Variants in UVRAG observed in about 807,000 individuals in gnomAD.
The protein encoded by UVRAG is UV radiation resistance-associated gene protein.
Under a neutral mutation model 78.0 loss-of-function variants are expected in UVRAG, and 19 were observed. That is an observed-to-expected ratio of 0.24 (90% CI 0.17 to 0.36). The LOEUF (loss-of-function observed/expected upper bound fraction) is 0.36, where lower values mean the gene tolerates loss of function less well. Ranked by LOEUF, UVRAG falls within the 10% of genes least tolerant of loss-of-function variation. UVRAG has a pLI of 1.00. For missense variants in UVRAG, 740 were observed against 853.8 expected (o/e 0.87, Z 1.66); for synonymous variants, 323 against 324.6 (o/e 1.00, Z 0.05).
chr11:76,116,028 A>G lies in UVRAG; in HGVS notation c.1397+13A>G. 2.5e-6 allele frequency: 4 copies of G among 1,610,232 alleles called. No homozygotes were observed. Among genetic ancestry groups the G allele is most frequent in the Non-Finnish European group, 2.5e-6 (3 of 1,176,694 alleles). ...TAATGGTCAGGTGGTGAGTACCTTT[A>G]TCTCTGATAACCAGAAACTGTAATG... is the stretch of plus-strand genomic sequence containing the variant. On this transcript the variant is annotated intron_variant, in intron 14 of 14. Transcript: ENST00000356136.
chr11:76,001,872 T>C (rs1440584355), intron 8 of UVRAG, among the ~76,000 whole-genome samples: 3 of 152,180 alleles, frequency 2.0e-5, no homozygotes, highest in Non-Finnish European at 4.4e-5. Context: ...GAATGCTGAG[T>C]GCTGACTGAT....
At chr11:76,049,187 A>G (rs1056250134) in intron 12 of UVRAG, among the ~76,000 whole-genome samples, 1 of 152,180 alleles carries the variant, frequency 6.6e-6, no homozygotes, top group Non-Finnish European at 1.5e-5. Flanking sequence ...CCTGCCCCAC[A>G]TCCACCCACT....
intron 6 of UVRAG, among the ~76,000 whole-genome samples, chr11:75,934,185 A>G (rs1489893219): frequency 1.3e-5 from 2 of 152,236 alleles, no homozygotes; most frequent in Non-Finnish European, 2.9e-5. Context: ...CCTGTCATCT[A>G]TAACAACATG....
At chr11:76,078,788 G>T (rs577193478) in intron 13 of UVRAG, among the ~76,000 whole-genome samples, 1 of 150,484 alleles carries the variant, frequency 6.6e-6, no homozygotes, top group Non-Finnish European at 1.5e-5. Flanking sequence ...AATTAGCTGG[G>T]TGTGGTGGCG....
chr11:75,906,344 T>G (rs778382427), intron 5 of UVRAG, among the ~76,000 whole-genome samples: 18 of 151,944 alleles, frequency 1.2e-4, no homozygotes, highest in South Asian at 2.1e-4. Flanking sequence ...TAGTGGGTTT[T>G]TTTGTTTGTT....
At chr11:75,822,094 G>A (rs766564735) in intron 1 of UVRAG, among the ~76,000 whole-genome samples, 3 of 151,846 alleles carry the variant, frequency 2.0e-5, no homozygotes, top group Non-Finnish European at 2.9e-5. Context: ...ACAGGCACCC[G>A]CCACCATGCC....
intron 5 of UVRAG, among the ~76,000 whole-genome samples, chr11:75,894,673 G>T (rs1489839901): frequency 6.6e-6 from 1 of 151,590 alleles, no homozygotes; most frequent in South Asian, 2.1e-4. Flanking sequence ...CAAAGTGTGG[G>T]GATTACAGGC....
At chr11:75,830,032 G>T (rs1249029998) in intron 1 of UVRAG, among the ~76,000 whole-genome samples, 3 of 151,780 alleles carry the variant, frequency 2.0e-5, no homozygotes, top group Non-Finnish European at 4.4e-5. Context: ...TAGAGATGGG[G>T]TTTTGACATG....
chr11:75,933,672 G>A (rs765334593), intron 6 of UVRAG, among the ~76,000 whole-genome samples: 37 of 152,146 alleles, frequency 2.4e-4, no homozygotes, highest in Admixed American at 2.0e-3. Flanking sequence ...CTAATAATCC[G>A]ATTTAAAAAG....
At chr11:76,036,402 T>G (rs779567076) in intron 12 of UVRAG, among the ~76,000 whole-genome samples, 9 of 151,222 alleles carry the variant, frequency 6.0e-5, no homozygotes, top group Non-Finnish European at 1.2e-4. Flanking sequence ...ATAGAAAGAT[T>G]AACCAAGTGT....
At chr11:75,852,578 A>G (rs1946179048) in intron 2 of UVRAG, among the ~76,000 whole-genome samples, 1 of 152,130 alleles carries the variant, frequency 6.6e-6, no homozygotes, top group South Asian at 2.1e-4. Flanking sequence ...CTTAGGTGGG[A>G]TGGTGTAAGA....
chr11:76,008,846 C>A lies in UVRAG; in HGVS notation c.1039C>A (p.Pro347Thr). The A allele has an allele frequency of 6.7e-7, 1 of 1,490,246 alleles. No homozygotes were observed. The highest frequency in any genetic ancestry group is 9.1e-7 in the Non-Finnish European group (1 of 1,104,718). 92.3% of individuals were successfully genotyped at this position (1,490,246 alleles called of 1,614,324 possible). The change falls in exon 11 of 15, where the codon CCT becomes ACT. Residue 347 changes from proline to threonine, a missense_variant. Physicochemically the swap from Pro to Thr is conservative, Grantham distance 38. Coordinates refer to ENST00000356136, the MANE Select transcript of UVRAG (RefSeq NM_003369.4). ...KDYFVCGVKL[P>T]NSEDFQAKDD... ...TTACTTTGTATGCGGTGTCAAGTTG[C>A]CTAATTCTGAGGACTTCCAAGGTAT...
chr11:75,957,515 T>G (rs1400042074), intron 6 of UVRAG, among the ~76,000 whole-genome samples: 2 of 152,140 alleles, frequency 1.3e-5, no homozygotes, highest in Non-Finnish European at 2.9e-5. Flanking sequence ...GGTTTGTCCC[T>G]TCTAGATTCT....
intron 14 of UVRAG, among the ~76,000 whole-genome samples, chr11:76,128,149 G>A (rs1952447323): frequency 6.6e-6 from 1 of 152,176 alleles, no homozygotes; most frequent in East Asian, 1.9e-4. Context: ...TAGGAACCAG[G>A]CCTCACAGCA....
At chr11:75,842,566 C>T (rs751938680) in intron 1 of UVRAG, among the ~76,000 whole-genome samples, 3 of 151,898 alleles carry the variant, frequency 2.0e-5, no homozygotes, top group Non-Finnish European at 2.9e-5. Context: ...CTCAGCCTCC[C>T]GAGTACTTGG....
intron 14 of UVRAG, chr11:76,137,221 A>T (rs113244428): frequency 2.5e-5 from 10 of 400,834 alleles, no homozygotes; most frequent in African/African-American, 1.9e-4. Context: ...AACACAGCAA[A>T]CTAAGAAAGG....
At chr11:75,935,122 A>C (rs1045321495) in intron 6 of UVRAG, 2 of 152,130 alleles carry the variant, frequency 1.3e-5, no homozygotes, top group Non-Finnish European at 2.9e-5. Context: ...GTGATCATCA[A>C]CCTTTACAAA....
chr11:76,136,297 G>C (rs1365631768), intron 14 of UVRAG, among the ~76,000 whole-genome samples: 2 of 151,878 alleles, frequency 1.3e-5, no homozygotes, highest in Non-Finnish European at 2.9e-5. Context: ...TTTTATACGA[G>C]ATGCTCACAG....
chr11:75,995,453 T>G (rs1949688003), intron 8 of UVRAG, among the ~76,000 whole-genome samples: 1 of 151,542 alleles, frequency 6.6e-6, no homozygotes, highest in Non-Finnish European at 1.5e-5. Context: ...AAAATAAATA[T>G]TTTATGTGAA....
Sources: gnomAD v4.1 joint callset for allele counts (sites outside exome capture counted in the v4.1 genomes callset) on GRCh38, gnomAD v4.1.1 for gene constraint, MANE v1.5 for transcripts, NCBI Gene and HGNC (gene_info 2026-07-23, HGNC 2026-07-21) for gene names.